PCDHA7: variants seen among roughly 807,000 people sequenced by gnomAD.
PCDHA7 encodes the protein protocadherin alpha 7, also known as protocadherin alpha-7.
PCDHA7 carries 37 observed loss-of-function variants against 57.2 expected under a neutral mutation model. That is an observed-to-expected ratio of 0.65 (90% CI 0.50 to 0.85). PCDHA7 has a LOEUF of 0.85. Among genes scored for constraint, PCDHA7 ranks in the 40% least tolerant of loss-of-function variants. PCDHA7 has a pLI of 0.00. For missense variants in PCDHA7, 1,188 were observed against 1,241.8 expected (o/e 0.96, Z 0.65); for synonymous variants, 553 against 558.8 (o/e 0.99, Z 0.15).
intron 1 of PCDHA7, among the ~76,000 whole-genome samples, chr5:140,872,848 A>T: frequency 1.3e-5 from 2 of 152,332 alleles, no homozygotes; most frequent in African/African-American, 4.8e-5. Context: ...AAATATATTA[A>T]TGTGAGTACC....
intron 1 of PCDHA7, among the ~76,000 whole-genome samples, chr5:140,945,889 A>G (rs2093857848): frequency 6.6e-6 from 1 of 152,074 alleles, no homozygotes; most frequent in African/African-American, 2.4e-5. Flanking sequence ...CAAAGAAAAC[A>G]CAGTGGGAAA....
intron 1 of PCDHA7, chr5:140,863,472 T>C: frequency 2.0e-6 from 1 of 490,440 alleles, no homozygotes; most frequent in Non-Finnish European, 4.0e-6. Context: ...CTCTGGAGAG[T>C]CGCCTCCCAA....
chr5:140,948,902 T>C (rs943078074), intron 1 of PCDHA7, among the ~76,000 whole-genome samples: 1 of 151,528 alleles, frequency 6.6e-6, no homozygotes, highest in Non-Finnish European at 1.5e-5. Flanking sequence ...TTAAGTGGAT[T>C]CTTAGGTAAC....
intron 1 of PCDHA7, among the ~76,000 whole-genome samples, chr5:140,947,108 T>G (rs1419361342): frequency 6.6e-6 from 1 of 151,486 alleles, no homozygotes; most frequent in East Asian, 1.9e-4. Context: ...AATAGGTACG[T>G]GTCAATTAAA....
intron 3 of PCDHA7, chr5:140,989,054 A>G (rs1481333744): frequency 6.6e-6 from 1 of 152,214 alleles, no homozygotes; most frequent in African/African-American, 2.4e-5. Flanking sequence ...TGCCAGCTAC[A>G]TTGAGGCAAT....
chr5:140,927,821 T>C (rs1554205108), intron 1 of PCDHA7: 1 of 1,614,118 alleles, frequency 6.2e-7, no homozygotes, highest in South Asian at 1.1e-5. Context: ...GAGGCATACA[T>C]TGAGGCGAGG....
intron 1 of PCDHA7, among the ~76,000 whole-genome samples, chr5:140,941,194 T>TCTTTCTTC (rs781885331): frequency 0.027 from 3,012 of 112,124 alleles, 85 homozygotes; most frequent in African/African-American, 0.068. Flanking sequence ...TCTTTTTTTT[T>TCTTTCTTC]CTTTCTTCCT....
At chr5:140,896,517 A>G (rs1300184594) in intron 1 of PCDHA7, among the ~76,000 whole-genome samples, 1 of 149,680 alleles carries the variant, frequency 6.7e-6, no homozygotes, top group African/African-American at 2.5e-5. Flanking sequence ...GGCACACACC[A>G]CAAAGCCCAG....
chr5:140,967,555 C>T, intron 1 of PCDHA7: 4 of 1,614,008 alleles, frequency 2.5e-6, no homozygotes, highest in Non-Finnish European at 3.4e-6. Flanking sequence ...CCACTTATCG[C>T]GTCCAGCTAC....
intron 1 of PCDHA7, chr5:140,849,440 A>G: frequency 6.3e-7 from 1 of 1,584,040 alleles, no homozygotes; most frequent in Non-Finnish European, 8.6e-7. Flanking sequence ...AAAGTAGAGC[A>G]CACAAGATCC....
intron 1 of PCDHA7, among the ~76,000 whole-genome samples, chr5:140,911,002 C>A (rs1216727256): frequency 6.6e-6 from 1 of 152,114 alleles, no homozygotes; most frequent in Non-Finnish European, 1.5e-5. Context: ...CCCTAGGGCC[C>A]TCCTGGGACT....
intron 1 of PCDHA7, chr5:140,968,527 G>A (rs782634339): frequency 9.3e-6 from 15 of 1,614,142 alleles, no homozygotes; most frequent in Middle Eastern, 1.6e-4. Flanking sequence ...CAACCAACTC[G>A]TCAGCAGCCT....
At chr5:140,876,483 G>T (rs373900620) in intron 1 of PCDHA7, 1 of 1,614,004 alleles carries the variant, frequency 6.2e-7, no homozygotes, top group Non-Finnish European at 8.5e-7. Flanking sequence ...GCATGGTCCT[G>T]GTGGAAGTTC....
In PCDHA7 at chr5:140,953,296, G is replaced by A. The variant is rs118116883; in HGVS notation, c.2356-25653G>A. 7.9e-5 allele frequency among the ~76,000 whole-genome samples: 12 copies of A among 152,162 alleles called. No individual in the cohort carries two copies. The East Asian group carries it at 1.5e-3, about 20-fold the overall frequency. Reference sequence around the variant, plus strand: ...TGCTCTTTATATGTGATTCAGGGACGGCAGAGATGTGGGAAGAATTTGATC... The same window carrying A: ...TGCTCTTTATATGTGATTCAGGGACAGCAGAGATGTGGGAAGAATTTGATC... On this transcript the variant is annotated intron_variant, in intron 1 of 3. Coordinates refer to ENST00000525929, the MANE Select transcript of PCDHA7 (RefSeq NM_018910.3).
intron 3 of PCDHA7, among the ~76,000 whole-genome samples, chr5:141,002,367 A>T (rs2098076282): frequency 6.6e-6 from 1 of 152,248 alleles, no homozygotes; most frequent in African/African-American, 2.4e-5. Context: ...CTTTCAACTC[A>T]TTCTGGCTTA....
At chr5:140,900,425 G>T (rs577250354) in intron 1 of PCDHA7, among the ~76,000 whole-genome samples, 1 of 152,236 alleles carries the variant, frequency 6.6e-6, no homozygotes, top group African/African-American at 2.4e-5. Context: ...TTATAGGCAC[G>T]TGCCACCACG....
chr5:140,956,562 T>C (rs1395246956), intron 1 of PCDHA7, among the ~76,000 whole-genome samples: 1 of 152,212 alleles, frequency 6.6e-6, no homozygotes, highest in Non-Finnish European at 1.5e-5. Flanking sequence ...CAGTATCTTA[T>C]TGAGGATTTT....
rs1184449073 is a variant in PCDHA7, at chr5:140,842,588, T to C, written c.2355+5850T>C. ...CCGCGAGAGAGTGTCGGCCTATGAG[T>C]TGGTGGTAACCGCGCGGGACGGGGG... is the stretch of plus-strand genomic sequence containing the variant. On this transcript the variant is annotated intron_variant, in intron 1 of 3. Coordinates refer to ENST00000525929, the MANE Select transcript of PCDHA7 (RefSeq NM_018910.3). The C allele has an allele frequency of 1.2e-5, 19 of 1,595,896 alleles. 2 individuals carry two copies. Among genetic ancestry groups the C allele is most frequent in the Non-Finnish European group, 1.5e-5 (18 of 1,165,700 alleles).
intron 1 of PCDHA7, chr5:140,869,639 C>T: frequency 6.2e-7 from 1 of 1,613,534 alleles, no homozygotes; most frequent in Non-Finnish European, 8.5e-7. Context: ...GAGTATTTTT[C>T]TTTAGATTCA....
Sources: allele counts gnomAD v4.1 joint callset (sites outside exome capture counted in the v4.1 genomes callset), GRCh38; gene constraint gnomAD v4.1.1; transcripts MANE v1.5; gene names NCBI Gene and HGNC (gene_info 2026-07-23, HGNC 2026-07-21).